DNM3: variants seen among roughly 807,000 people sequenced by gnomAD.
The protein encoded by DNM3 is dynamin 3.
A neutral mutation model predicts 101.6 loss-of-function variants in DNM3; 47 were observed. The observed-to-expected ratio is 0.46, with a 90% CI of 0.37 to 0.59. The LOEUF (loss-of-function observed/expected upper bound fraction) is 0.59. DNM3 is among the 20% of genes least tolerant of loss of function. The pLI is 0.00. For synonymous variants in DNM3, 385 were observed against 387.9 expected (o/e 0.99, Z 0.09); for missense variants, 849 against 1,085.7 (o/e 0.78, Z 3.06).
chr1:171,961,824 T>A (rs1211223139), intron 2 of DNM3, among the ~76,000 whole-genome samples: 2 of 152,224 alleles, frequency 1.3e-5, no homozygotes, highest in African/African-American at 2.4e-5. Context: ...GAAAACATTA[T>A]GCTAAGTAAA....
rs150587026 is a variant in DNM3 at position 172,025,091 on chromosome 1, C to G, written c.590-7311C>G. On this transcript the variant is annotated intron_variant, in intron 4 of 20. Transcript: ENST00000627582. ...TGCCAGCACAGCAGTCTGAAGTTGA[C>G]CTGGGACGCTTGAGCTTTGTTTGGG... Among the ~76,000 whole-genome samples the G allele has an allele frequency of 2.4e-3, 363 of 152,310 alleles. 6 individuals are homozygous for G. The highest frequency in any genetic ancestry group is 0.02 in the Admixed American group (299 of 15,300).
intron 15 of DNM3, among the ~76,000 whole-genome samples, chr1:172,273,282 G>A (rs1023773004): frequency 2.0e-5 from 3 of 151,892 alleles, no homozygotes; most frequent in African/African-American, 7.3e-5. Flanking sequence ...TTGCAGCTAG[G>A]GTTGAGAAAG....
At position 172,242,134 on chromosome 1, in the gene DNM3, C is replaced by G. The variant is rs544544142; in HGVS notation, c.1660-11439C>G. On this transcript the variant is annotated intron_variant, in intron 14 of 20. Transcript: ENST00000627582. ...GAACTCATGGTGTACAGGGCATTTC[C>G]CCTGAATCTATGAGTCCCCAGAGAA... Among the ~76,000 whole-genome samples, 3 of 152,194 alleles carry G rather than the reference C, an allele frequency of 2.0e-5. No individual in the cohort carries two copies. The East Asian group carries it at 5.8e-4, about 29-fold the overall frequency.
At chr1:171,846,581 A>T (rs2032135174) in intron 1 of DNM3, among the ~76,000 whole-genome samples, 1 of 152,260 alleles carries the variant, frequency 6.6e-6, no homozygotes, top group East Asian at 1.9e-4. Flanking sequence ...AGTTTTATTT[A>T]TTATTGTCAT....
intron 14 of DNM3, among the ~76,000 whole-genome samples, chr1:172,243,845 C>T (rs947197384): frequency 6.6e-6 from 1 of 152,108 alleles, no homozygotes; most frequent in Non-Finnish European, 1.5e-5. Context: ...CATACTTGTA[C>T]ATCTCTATAG....
chr1:172,290,739 T>G (rs573511177), intron 15 of DNM3, among the ~76,000 whole-genome samples: 1 of 152,046 alleles, frequency 6.6e-6, no homozygotes, highest in Non-Finnish European at 1.5e-5. Flanking sequence ...AGGGGAGAGA[T>G]CTGAACTAAG....
In DNM3 at chr1:171,904,525, A is replaced by G. The variant is rs76891076; in HGVS notation, c.162-17223A>G. 3.6e-3 allele frequency among the ~76,000 whole-genome samples: 547 copies of G among 152,330 alleles called. 4 individuals carry two copies. Among genetic ancestry groups the G allele is most frequent in the African/African-American group, 0.012 (503 of 41,572 alleles). Reference sequence around the variant, plus strand: ...GCTTTTAGGATCATCCTGCACCTAAAGCCCTTGGGAGAACAACCAAACCCT... The same window carrying G: ...GCTTTTAGGATCATCCTGCACCTAAGGCCCTTGGGAGAACAACCAAACCCT... On this transcript the variant is annotated intron_variant, in intron 1 of 20. Transcript: ENST00000627582.
intron 2 of DNM3, among the ~76,000 whole-genome samples, chr1:171,925,453 A>C (rs2040495973): frequency 6.7e-6 from 1 of 150,108 alleles, no homozygotes; most frequent in Non-Finnish European, 1.5e-5. Context: ...GATGGTCTCA[A>C]TCTCCTGACC....
chr1:172,026,485 A>C (rs767478408), intron 4 of DNM3, among the ~76,000 whole-genome samples: 5 of 152,202 alleles, frequency 3.3e-5, no homozygotes, highest in Non-Finnish European at 7.3e-5. Flanking sequence ...TGAGAAGAGC[A>C]ACCCCAAGAC....
chr1:171,923,192 T>A (rs1360407155), intron 2 of DNM3, among the ~76,000 whole-genome samples: 3 of 152,232 alleles, frequency 2.0e-5, no homozygotes, highest in African/African-American at 7.2e-5. Flanking sequence ...AGTTTTTCTA[T>A]ATCCTTGCTA....
chr1:172,296,274 T>C (rs1225940106), intron 15 of DNM3, among the ~76,000 whole-genome samples: 1 of 152,236 alleles, frequency 6.6e-6, no homozygotes, highest in Non-Finnish European at 1.5e-5. Context: ...ACTGCCAAGA[T>C]GATGCCAGCA....
intron 17 of DNM3, among the ~76,000 whole-genome samples, chr1:172,354,106 T>TGAGAGAGA (rs1261996806): frequency 7.6e-5 from 2 of 26,434 alleles, no homozygotes; most frequent in South Asian, 3.6e-3. Context: ...TGTGTGTGTG[T>TGAGAGAGA]GTGTGTGAGA....
At position 172,164,680 on chromosome 1, in the gene DNM3, C is replaced by A. The variant is rs73041209; in HGVS notation, c.1659+33392C>A. Reference sequence around the variant, plus strand: ...GACCCTAAAGATGCCAAGCACATGACGGTGTAAACCAGAGGGACAGCTATG... The same window carrying A: ...GACCCTAAAGATGCCAAGCACATGAAGGTGTAAACCAGAGGGACAGCTATG... On this transcript the variant is annotated intron_variant, in intron 14 of 20. Transcript: ENST00000627582. 2.0e-5 allele frequency among the ~76,000 whole-genome samples: 3 copies of A among 152,036 alleles called. No homozygotes were observed. In the East Asian group the frequency reaches 5.8e-4, roughly 30 times the overall value.
At chr1:172,305,199 A>T (rs2757497) in intron 15 of DNM3, among the ~76,000 whole-genome samples, 4 of 152,154 alleles carry the variant, frequency 2.6e-5, no homozygotes, top group Non-Finnish European at 4.4e-5. Flanking sequence ...GATAAAGGGG[A>T]TATCATCACC....
intron 20 of DNM3, among the ~76,000 whole-genome samples, chr1:172,394,606 C>T (rs2069811776): frequency 6.6e-6 from 1 of 152,196 alleles, no homozygotes; most frequent in African/African-American, 2.4e-5. Flanking sequence ...TGTCATTGTT[C>T]TCTTTGGGGC....
At chr1:172,376,337 CA>C (rs2068599996) in intron 17 of DNM3, 1 of 152,022 alleles carries the variant, frequency 6.6e-6, no homozygotes, top group African/African-American at 2.4e-5. Flanking sequence ...AGATCAGAGA[CA>C]AATTACTATT....
intron 14 of DNM3, among the ~76,000 whole-genome samples, chr1:172,223,918 T>C (rs2061006273): frequency 1.3e-5 from 2 of 152,160 alleles, no homozygotes; most frequent in South Asian, 4.1e-4. Context: ...TAGCCAACAC[T>C]CCAGTTACCT....
chr1:172,411,963 A>ATGTT lies in DNM3; in HGVS notation c.*4124_*4127dup. 1 of 985,792 alleles carries ATGTT rather than the reference A, an allele frequency of 1.0e-6. No homozygotes were observed. Among genetic ancestry groups the ATGTT allele is most frequent in the Non-Finnish European group, 1.2e-6 (1 of 829,872 alleles). 61.1% of individuals were successfully genotyped at this position (985,792 alleles called of 1,614,324 possible). On this transcript the variant is annotated 3_prime_UTR_variant, in exon 21 of 21. Coordinates refer to ENST00000627582, the MANE Select transcript of DNM3 (RefSeq NM_015569.5). Reference sequence around the variant, plus strand: ...CTCTTACTCATCCTGTCTGGTTGCTATGTTTAAAATTATGTGGTGCTGTGT... The same window carrying ATGTT: ...CTCTTACTCATCCTGTCTGGTTGCTATGTTTGTTTAAAATTATGTGGTGCTGTGT...
At chr1:172,262,289 G>T (rs1473120726) in intron 15 of DNM3, among the ~76,000 whole-genome samples, 1 of 152,154 alleles carries the variant, frequency 6.6e-6, no homozygotes, top group Non-Finnish European at 1.5e-5. Flanking sequence ...CCACAGGTAG[G>T]TATGATGGGC....
Sources: gnomAD v4.1 joint callset for allele counts (sites outside exome capture counted in the v4.1 genomes callset) on GRCh38, gnomAD v4.1.1 for gene constraint, MANE v1.5 for transcripts, NCBI Gene and HGNC (gene_info 2026-07-23, HGNC 2026-07-21) for gene names.